SLC35E4: variants seen among roughly 807,000 people sequenced by gnomAD.
SLC35E4 encodes solute carrier family 35 member E4.
In SLC35E4, 15 loss-of-function variants were observed where a neutral mutation model predicts 19.3. That is an observed-to-expected ratio of 0.78 (90% CI 0.52 to 1.20). The LOEUF is 1.20. SLC35E4 is among the 50% of genes most tolerant of loss of function. The probability of loss-of-function intolerance (pLI) is 0.00; values close to 1 mark genes in which losing one functional copy is unlikely to be tolerated. For missense variants in SLC35E4, 406 were observed against 472.3 expected (o/e 0.86, Z 1.30); for synonymous variants, 219 against 219.9 (o/e 1.00, Z 0.04).
At chr22:30,651,372 TG>T (rs1408129367), downstream of SLC35E4, among the ~76,000 whole-genome samples, 1,365 of 14,544 alleles carry the variant, frequency 0.094, 80 homozygotes, top group East Asian at 0.32. Flanking sequence ...GGCTAATTTT[TG>T]TGTGTGTGTG....
downstream of SLC35E4, chr22:30,663,728 G>A (rs140097338): frequency 3.5e-4 from 565 of 1,614,228 alleles, 8 homozygotes; most frequent in Admixed American, 7.5e-3. Flanking sequence ...TCATCTCCAC[G>A]CTGTGGATAT....
At chr22:30,653,639 G>T (rs2088272018) in intron 2 of SLC35E4, among the ~76,000 whole-genome samples, 1 of 151,920 alleles carries the variant, frequency 6.6e-6, no homozygotes, top group Non-Finnish European at 1.5e-5. Flanking sequence ...CTCCCAAAGT[G>T]CTTGGGATAC....
At chr22:30,665,219 C>T (rs760652722), downstream of SLC35E4, 3 of 188,168 alleles carry the variant, frequency 1.6e-5, no homozygotes, top group Admixed American at 5.9e-5. Context: ...TCACCAGGCA[C>T]GAGAAATGAG....
At position 30,635,985 on chromosome 22, in the gene SLC35E4, A is replaced by C; in HGVS notation, c.-466A>C. 6.5e-6 allele frequency: 1 copy of C among 153,234 alleles called. No individual in the cohort carries two copies. The highest frequency in any genetic ancestry group is 1.5e-5 in the Non-Finnish European group (1 of 68,712). The allele number at this position is 153,234 out of a possible 1,614,324, so 9.5% of individuals were successfully genotyped here. ...GAGCCCGCGACCCCCCGGGCCGGGC[A>C]CCGCCAGGCGCGGAGCCCAGATCGC... is the stretch of plus-strand genomic sequence containing the variant. On this transcript the variant is annotated 5_prime_UTR_variant, in exon 1 of 2. Transcript: ENST00000343605.
At chr22:30,639,830 C>A (rs2088009738) in intron 1 of SLC35E4, among the ~76,000 whole-genome samples, 2 of 152,180 alleles carry the variant, frequency 1.3e-5, no homozygotes, top group African/African-American at 4.8e-5. Flanking sequence ...ACATGCTCTA[C>A]AATTTGTGCA....
chr22:30,636,876 C>T lies in SLC35E4; in HGVS notation c.426C>T (p.Thr142=). ...PLDLAQLVTT[T]TPLFTLALSA... is the part of the protein sequence containing the mutation. ...ACCTGGCACAACTGGTTACTACCAC[C>T]ACACCTCTGTTCACCCTGGCCCTGT... is the stretch of plus-strand genomic sequence containing the variant. The change falls in exon 1 of 2, where the codon ACC becomes ACT. Residue 142 remains threonine (T), a synonymous_variant. Transcript: ENST00000343605. 6.2e-7 allele frequency: 1 copy of T among 1,612,906 alleles called. No homozygotes were observed. The highest frequency in any genetic ancestry group is 1.3e-5 in the African/African-American group (1 of 75,056).
chr22:30,651,393 GTGTGTGTATATATA>G (rs1387598516), downstream of SLC35E4, among the ~76,000 whole-genome samples: 114 of 49,320 alleles, frequency 2.3e-3, no homozygotes, highest in East Asian at 7.4e-3. Context: ...GTGTGTGTGT[GTGTGTGTATATATA>G]TATATATATA....
intron 2 of SLC35E4, chr22:30,654,376 C>T (rs961693879): frequency 1.3e-5 from 6 of 462,882 alleles, no homozygotes; most frequent in Admixed American, 7.0e-5. Flanking sequence ...GTACTTCCAG[C>T]CAACTTTGTG....
chr22:30,665,429 C>T (rs2088612866), downstream of SLC35E4: 5 of 443,700 alleles, frequency 1.1e-5, no homozygotes, highest in South Asian at 8.3e-5. Flanking sequence ...GACAACCTGT[C>T]CTCTCCAGCC....
chr22:30,651,136 A>G (rs2088201547), downstream of SLC35E4, among the ~76,000 whole-genome samples: 1 of 151,578 alleles, frequency 6.6e-6, no homozygotes, highest in African/African-American at 2.4e-5. Flanking sequence ...AAGTAGCACA[A>G]AATACTTAAT....
chr22:30,643,716 T>A (rs1001895778), intron 1 of SLC35E4, among the ~76,000 whole-genome samples: 4 of 151,732 alleles, frequency 2.6e-5, no homozygotes, highest in Non-Finnish European at 4.4e-5. Context: ...GACTGAGGCG[T>A]GGAGAGAGGG....
intron 1 of SLC35E4, among the ~76,000 whole-genome samples, chr22:30,639,401 A>G (rs528129400): frequency 7.0e-4 from 107 of 152,250 alleles, no homozygotes; most frequent in Middle Eastern, 3.4e-3. Context: ...TTGCTAATGA[A>G]GTTTCGGGCA....
downstream of SLC35E4, chr22:30,668,205 C>T (rs1027525132): frequency 2.6e-5 from 4 of 154,832 alleles, no homozygotes; most frequent in Non-Finnish European, 4.4e-5. Context: ...CGGGCTCGAA[C>T]CACCCTCTCG....
At chr22:30,637,857 A>T (rs2087975118) in intron 1 of SLC35E4, among the ~76,000 whole-genome samples, 1 of 152,194 alleles carries the variant, frequency 6.6e-6, no homozygotes, top group South Asian at 2.1e-4. Flanking sequence ...GACACAAAGG[A>T]AAGCCAGAAA....
chr22:30,659,670 C>G (rs898172949), intron 2 of SLC35E4, among the ~76,000 whole-genome samples: 2 of 152,108 alleles, frequency 1.3e-5, no homozygotes, highest in Non-Finnish European at 2.9e-5. Flanking sequence ...AATTTTAGAA[C>G]TAAGAAAATA....
chr22:30,667,259 C>CT (rs1444766696), downstream of SLC35E4: 1 of 152,200 alleles, frequency 6.6e-6, no homozygotes, highest in Non-Finnish European at 1.5e-5. Context: ...AGAAGCCGAC[C>CT]TTTATGGTCC....
At chr22:30,658,005 G>T (rs1602094983) in intron 2 of SLC35E4, among the ~76,000 whole-genome samples, 1 of 151,464 alleles carries the variant, frequency 6.6e-6, no homozygotes, top group Non-Finnish European at 1.5e-5. Flanking sequence ...TACTCAGGAG[G>T]CTAAGGTAAG....
chr22:30,643,686 C>T (rs910255950), intron 1 of SLC35E4, among the ~76,000 whole-genome samples: 3 of 152,038 alleles, frequency 2.0e-5, no homozygotes, highest in Admixed American at 6.6e-5. Context: ...TGTTGCTACC[C>T]GAGCCACACG....
At chr22:30,667,332 T>C (rs186149797), downstream of SLC35E4, 7 of 152,372 alleles carry the variant, frequency 4.6e-5, no homozygotes, top group South Asian at 8.3e-4. Flanking sequence ...GTTATAAACA[T>C]GGAACAAAGT....
Sources: gnomAD v4.1 joint callset for allele counts (sites outside exome capture counted in the v4.1 genomes callset) on GRCh38, gnomAD v4.1.1 for gene constraint, MANE v1.5 for transcripts, NCBI Gene and HGNC (gene_info 2026-07-23, HGNC 2026-07-21) for gene names.